The following ZNF138 variants were observed in gnomAD, a reference collection of about 807,000 sequenced individuals.
ZNF138 encodes the protein zinc finger protein 138.
In ZNF138, 33 loss-of-function variants were observed where a neutral mutation model predicts 33.0. The ratio of observed to expected loss-of-function variants is 1.00; its 90% CI spans 0.76 to 1.34. ZNF138 has a LOEUF of 1.34. ZNF138 is among the 40% of genes most tolerant of loss of function. ZNF138 has a pLI of 0.00. For missense variants in ZNF138, 360 were observed against 370.8 expected, an observed-to-expected ratio of 0.97 and a Z score of 0.24; for synonymous variants, 139 against 120.4, an observed-to-expected ratio of 1.15 and a Z score of -1.01.
chr7:64,839,830 G>A, the ZNF138 span, among the ~76,000 whole-genome samples: 1 of 152,130 alleles, frequency 6.6e-6, no homozygotes, highest in Non-Finnish European at 1.5e-5. Context: ...CAATGGAAGG[G>A]CACCATGGAT....
At chr7:64,800,315 T>C (rs574857451) in intron 1 of ZNF138, among the ~76,000 whole-genome samples, 43 of 152,310 alleles carry the variant, frequency 2.8e-4, no homozygotes, top group African/African-American at 9.9e-4. Context: ...TTCAGTACGT[T>C]GGTTGTGGGT....
intron 1 of ZNF138, among the ~76,000 whole-genome samples, chr7:64,796,010 C>T (rs1251401836): frequency 1.3e-5 from 2 of 152,212 alleles, no homozygotes; most frequent in Non-Finnish European, 2.9e-5. Flanking sequence ...TCCTGGTGTA[C>T]TCTTCCTTTG....
chr7:64,859,324 A>G, the ZNF138 span, among the ~76,000 whole-genome samples: 1 of 152,236 alleles, frequency 6.6e-6, no homozygotes, highest in Admixed American at 6.5e-5. Context: ...ACATGGGATG[A>G]GTCCTAAGAG....
rs747259046 is a variant in ZNF138, at chr7:64,832,563, C to G, written c.*361C>G. The stretch of plus-strand genomic sequence containing the variant: ...AACTCTTATTACACATAAGATAATT[C>G]ACAGTGGAGAAAAACCCTACAAATG... On this transcript the variant is annotated 3_prime_UTR_variant, in exon 4 of 4. Coordinates refer to ENST00000307355, the MANE Select transcript of ZNF138 (RefSeq NM_001271639.2). 3.4e-6 allele frequency: 2 copies of G among 581,306 alleles called. No homozygotes were observed. Among genetic ancestry groups the G allele is most frequent in the Non-Finnish European group, 5.9e-6 (2 of 337,280 alleles). 36.0% of individuals were successfully genotyped at this position (581,306 alleles called of 1,614,324 possible).
intron 1 of ZNF138, among the ~76,000 whole-genome samples, chr7:64,806,047 C>T (rs894973812): frequency 2.0e-5 from 3 of 152,168 alleles, no homozygotes; most frequent in African/African-American, 4.8e-5. Flanking sequence ...TCTGTTCTGT[C>T]ATTGTGGAGT....
chr7:64,810,542 A>G (rs1788085343), intron 1 of ZNF138, among the ~76,000 whole-genome samples: 2 of 113,072 alleles, frequency 1.8e-5, no homozygotes, highest in Admixed American at 9.2e-5. Context: ...ACTCTAGAAA[A>G]CCCTAAGAGA....
chr7:64,807,891 C>T (rs1383575494), intron 1 of ZNF138, among the ~76,000 whole-genome samples: 1 of 152,216 alleles, frequency 6.6e-6, no homozygotes, highest in Non-Finnish European at 1.5e-5. Context: ...TATCCACAGC[C>T]ATGACCACAA....
At chr7:64,851,806 C>T in the ZNF138 span, among the ~76,000 whole-genome samples, 1 of 152,082 alleles carries the variant, frequency 6.6e-6, no homozygotes, top group Non-Finnish European at 1.5e-5. Context: ...AAGTGTTTTC[C>T]AAGCAGTGAA....
At position 64,794,433 on chromosome 7, in the gene ZNF138, G is replaced by A. The variant is rs1378976291; in HGVS notation, c.-136G>A. The A allele has an allele frequency of 3.8e-6, 5 of 1,322,798 alleles. No homozygotes were observed. The highest frequency in any genetic ancestry group is 4.3e-6 in the Non-Finnish European group (4 of 936,686). The allele number at this position is 1,322,798 out of a possible 1,614,324, so 81.9% of individuals were successfully genotyped here. ...CGGGAGGCGGCGGGGTCTTTGTCTC[G>A]CTGCAGCGGGTGCTGCAGGTCTGGC... On this transcript the variant is annotated 5_prime_UTR_variant, in exon 1 of 4. Transcript: ENST00000307355.
intron 1 of ZNF138, among the ~76,000 whole-genome samples, chr7:64,807,818 T>C (rs1787735461): frequency 6.6e-6 from 1 of 152,184 alleles, no homozygotes; most frequent in Non-Finnish European, 1.5e-5. Flanking sequence ...GTAAATAGAA[T>C]CTGATGGCAG....
chr7:64,857,945 T>G, the ZNF138 span, among the ~76,000 whole-genome samples: 3 of 152,354 alleles, frequency 2.0e-5, no homozygotes, highest in African/African-American at 7.2e-5. Flanking sequence ...CGTTTGATAT[T>G]GTAGAACTAT....
the ZNF138 span, chr7:64,852,741 CCT>C: frequency 1.0e-6 from 1 of 966,104 alleles, no homozygotes; most frequent in Non-Finnish European, 1.7e-6. Context: ...GCCACTGCCC[CCT>C]GTGTCCCCAG....
the ZNF138 span, among the ~76,000 whole-genome samples, chr7:64,843,729 G>A: frequency 6.6e-6 from 1 of 151,904 alleles, no homozygotes; most frequent in African/African-American, 2.4e-5. Context: ...TCATTTTGTT[G>A]ATTGTATCAG....
At chr7:64,837,081 C>T (rs1167677423), downstream of ZNF138, among the ~76,000 whole-genome samples, 1 of 152,120 alleles carries the variant, frequency 6.6e-6, no homozygotes. Context: ...TCGAGAAGAA[C>T]CTGAATAAAT....
chr7:64,852,635 A>G, the ZNF138 span: 38 of 1,445,014 alleles, frequency 2.6e-5, no homozygotes, highest in Non-Finnish European at 2.9e-6. Flanking sequence ...CGCCATGTTC[A>G]TCATCACCTC....
intron 1 of ZNF138, among the ~76,000 whole-genome samples, chr7:64,809,839 C>T (rs1191991005): frequency 1.7e-5 from 2 of 120,396 alleles, no homozygotes; most frequent in African/African-American, 6.5e-5. Flanking sequence ...GGCAGAGGCG[C>T]TCCCCACATC....
intron 3 of ZNF138, chr7:64,830,792 A>G (rs1790020402): frequency 2.1e-6 from 2 of 948,698 alleles, no homozygotes; most frequent in Non-Finnish European, 1.5e-6. Context: ...GTCTGAGACC[A>G]TTTGTCTGGC....
At chr7:64,805,624 G>A (rs910267102) in intron 1 of ZNF138, among the ~76,000 whole-genome samples, 2 of 152,196 alleles carry the variant, frequency 1.3e-5, no homozygotes, top group East Asian at 3.9e-4. Flanking sequence ...GATGGTAAAA[G>A]TCAAGAGAGG....
the ZNF138 span, among the ~76,000 whole-genome samples, chr7:64,844,176 C>T: frequency 1.3e-5 from 2 of 152,204 alleles, no homozygotes; most frequent in African/African-American, 4.8e-5. Context: ...CTTAAGATGT[C>T]CTCCCTCTTC....
Sources: gnomAD v4.1 joint callset for allele counts (sites outside exome capture counted in the v4.1 genomes callset) on GRCh38, gnomAD v4.1.1 for gene constraint, MANE v1.5 for transcripts, NCBI Gene and HGNC (gene_info 2026-07-23, HGNC 2026-07-21) for gene names.